Variants in MSI2 observed in about 807,000 individuals in gnomAD.
The protein encoded by MSI2 is RNA-binding protein Musashi homolog 2.
A neutral mutation model predicts 45.6 loss-of-function variants in MSI2; 17 were observed. The ratio of observed to expected loss-of-function variants is 0.37; its 90% confidence interval spans 0.26 to 0.56. The LOEUF (loss-of-function observed/expected upper bound fraction) is 0.56. Among genes scored for constraint, MSI2 ranks in the 20% least tolerant of loss-of-function variants. The pLI is 0.77. For missense variants in MSI2, 293 were observed against 444.2 expected (o/e 0.66, Z 3.06); for synonymous variants, 156 against 158.2 (o/e 0.99, Z 0.11).
chr17:57,545,038 G>C (rs1407979664), intron 7 of MSI2, among the ~76,000 whole-genome samples: 1 of 152,194 alleles, frequency 6.6e-6, no homozygotes, highest in Non-Finnish European at 1.5e-5. Context: ...AATCTTGGCT[G>C]GCAGCCAGTG....
intron 10 of MSI2, among the ~76,000 whole-genome samples, chr17:57,641,317 T>C (rs55923905): frequency 0.083 from 12,599 of 152,130 alleles, 1,755 homozygotes; most frequent in African/African-American, 0.29. Flanking sequence ...CTTGAGCGTT[T>C]GCTGTCCTGG....
At chr17:57,377,980 CAGG>C (rs1391932129) in intron 5 of MSI2, among the ~76,000 whole-genome samples, 2 of 150,452 alleles carry the variant, frequency 1.3e-5, no homozygotes, top group South Asian at 2.1e-4. Flanking sequence ...GAGGCTGAGG[CAGG>C]AGAACGGCGT....
At chr17:57,663,164 AGTGGCGGG>A (rs111472510) in intron 11 of MSI2, among the ~76,000 whole-genome samples, 9,648 of 151,428 alleles carry the variant, frequency 0.064, 865 homozygotes, top group African/African-American at 0.2. Context: ...GCTCTGAGCC[AGTGGCGGG>A]GTGGAGGGGC....
chr17:57,502,090 C>T (rs1246011376), intron 6 of MSI2, among the ~76,000 whole-genome samples: 1 of 152,092 alleles, frequency 6.6e-6, no homozygotes, highest in African/African-American at 2.4e-5. Flanking sequence ...GAAGGGCCCA[C>T]CAGCGATGTG....
chr17:57,376,233 T>A (rs546273472), intron 5 of MSI2, among the ~76,000 whole-genome samples: 8 of 152,302 alleles, frequency 5.3e-5, no homozygotes, highest in Non-Finnish European at 1.0e-4. Flanking sequence ...AGAATCTGAT[T>A]TGATCCCTGG....
chr17:57,504,179 G>A (rs1031577362), intron 6 of MSI2, among the ~76,000 whole-genome samples: 1 of 152,124 alleles, frequency 6.6e-6, no homozygotes, highest in Admixed American at 6.5e-5. Flanking sequence ...TTGCCCTCTC[G>A]GTTCCGCCTC....
chr17:57,628,571 T>C (rs1355441842), intron 10 of MSI2: 1 of 152,444 alleles, frequency 6.6e-6, no homozygotes, highest in Non-Finnish European at 1.5e-5. Context: ...TCTAGGGCCT[T>C]ACTTCTCTCT....
At chr17:57,346,459 G>T (rs960933900) in intron 5 of MSI2, among the ~76,000 whole-genome samples, 7 of 152,074 alleles carry the variant, frequency 4.6e-5, no homozygotes, top group Admixed American at 2.6e-4. Flanking sequence ...CCTTCCGGGG[G>T]TTTGAGAAAG....
At chr17:57,339,639 C>A (rs1914966511) in intron 5 of MSI2, among the ~76,000 whole-genome samples, 1 of 152,090 alleles carries the variant, frequency 6.6e-6, no homozygotes, top group Non-Finnish European at 1.5e-5. Flanking sequence ...GACAGTATAT[C>A]CATTTTTCAT....
At chr17:57,413,826 A>G (rs1376135147) in intron 6 of MSI2, among the ~76,000 whole-genome samples, 1 of 152,014 alleles carries the variant, frequency 6.6e-6, no homozygotes, top group Non-Finnish European at 1.5e-5. Flanking sequence ...AAAGCTCCGC[A>G]ATGTAGGACT....
rs1906879712 is a variant in MSI2 at position 57,257,348 on chromosome 17, AC to A, written c.104-117del. 7.2e-6 allele frequency: 5 copies of A among 696,642 alleles called. No individual in the cohort carries two copies. In the South Asian group the frequency reaches 1.0e-4, roughly 14 times the overall value. 43.2% of individuals were successfully genotyped at this position (696,642 alleles called of 1,614,324 possible). ...CCCCGCGTGTGCAAAAAATGCAAAA[AC>A]AAAACAGAATAACAACAGAAAACTA... On this transcript the variant is annotated intron_variant, in intron 2 of 13. Coordinates refer to ENST00000284073, the MANE Select transcript of MSI2 (RefSeq NM_138962.4).
chr17:57,587,254 C>A (rs1904379740), intron 7 of MSI2, among the ~76,000 whole-genome samples: 1 of 152,022 alleles, frequency 6.6e-6, no homozygotes, highest in South Asian at 2.1e-4. Flanking sequence ...TGGAAAAACT[C>A]TTTGTAACTA....
At chr17:57,350,535 T>C (rs547873175) in intron 5 of MSI2, among the ~76,000 whole-genome samples, 11 of 152,056 alleles carry the variant, frequency 7.2e-5, no homozygotes, top group African/African-American at 2.7e-4. Flanking sequence ...CGTGGTGTGT[T>C]CCTCCCTCCT....
At chr17:57,568,440 C>T (rs138925632) in intron 7 of MSI2, among the ~76,000 whole-genome samples, 1 of 152,228 alleles carries the variant, frequency 6.6e-6, no homozygotes, top group Non-Finnish European at 1.5e-5. Context: ...GATCTTGCCC[C>T]AATCAAGAAC....
chr17:57,675,247 A>G (rs1437268447), intron 12 of MSI2, 121 bp downstream of exon 12: 1 of 975,592 alleles, frequency 1.0e-6, no homozygotes, highest in African/African-American at 1.6e-5. Context: ...GGTCCCCATC[A>G]ACATCACACC....
chr17:57,646,313 C>T (rs1271335299), intron 10 of MSI2, among the ~76,000 whole-genome samples: 9 of 152,178 alleles, frequency 5.9e-5, no homozygotes, highest in Non-Finnish European at 7.4e-5. Context: ...CTCAAATTCC[C>T]CAAAACCCAA....
intron 6 of MSI2, among the ~76,000 whole-genome samples, chr17:57,465,854 C>T (rs749889926): frequency 2.2e-4 from 34 of 152,216 alleles, no homozygotes; most frequent in Non-Finnish European, 4.6e-4. Context: ...AGCTTTATTG[C>T]GATGCTTTTA....
intron 5 of MSI2, among the ~76,000 whole-genome samples, chr17:57,270,041 T>C (rs1908212000): frequency 6.6e-6 from 1 of 152,182 alleles, no homozygotes; most frequent in African/African-American, 2.4e-5. Flanking sequence ...TCCCTTCTTT[T>C]GAAGATAGCA....
intron 6 of MSI2, among the ~76,000 whole-genome samples, chr17:57,485,412 T>G (rs1038129075): frequency 9.2e-5 from 14 of 152,230 alleles, no homozygotes; most frequent in Non-Finnish European, 1.8e-4. Context: ...TGTTTAATGT[T>G]TCTCATTTGC....
Sources: gnomAD v4.1 joint callset for allele counts (sites outside exome capture counted in the v4.1 genomes callset) on GRCh38, gnomAD v4.1.1 for gene constraint, MANE v1.5 for transcripts, NCBI Gene and HGNC (gene_info 2026-07-23, HGNC 2026-07-21) for gene names.